OPCML: variants seen among roughly 807,000 people sequenced by gnomAD.
OPCML encodes the protein opioid binding protein/cell adhesion molecule like.
OPCML carries 13 observed loss-of-function variants against 37.8 expected under a neutral mutation model. That is an observed-to-expected ratio of 0.34 (90% CI 0.22 to 0.55). The LOEUF is 0.55. Ranked by LOEUF, OPCML falls within the 20% of genes least tolerant of loss-of-function variation. OPCML has a pLI of 0.91. For missense variants in OPCML, 341 were observed against 435.6 expected, an observed-to-expected ratio of 0.78 and a Z score of 1.93; for synonymous variants, 176 against 168.8, an observed-to-expected ratio of 1.04 and a Z score of -0.33.
chr11:132,870,587 A>G (rs1395727789), intron 2 of OPCML, among the ~76,000 whole-genome samples: 1 of 152,200 alleles, frequency 6.6e-6, no homozygotes, highest in Non-Finnish European at 1.5e-5. Context: ...ACTGTCGAAG[A>G]GATGTCTGCC....
chr11:133,402,995 T>C (rs1052341940), intron 1 of OPCML, among the ~76,000 whole-genome samples: 2 of 152,206 alleles, frequency 1.3e-5, no homozygotes, highest in African/African-American at 4.8e-5. Flanking sequence ...TTCTTAACCA[T>C]GTTCTTTCTG....
intron 1 of OPCML, among the ~76,000 whole-genome samples, chr11:133,080,219 G>A (rs569848210): frequency 1.3e-5 from 2 of 152,214 alleles, no homozygotes; most frequent in South Asian, 2.1e-4. Flanking sequence ...CGGGACTGTA[G>A]GATGGTAACT....
At chr11:133,316,980 C>T (rs564277484) in intron 1 of OPCML, among the ~76,000 whole-genome samples, 1 of 152,258 alleles carries the variant, frequency 6.6e-6, no homozygotes, top group Admixed American at 6.5e-5. Context: ...GGCAGATCAC[C>T]TAAAGTCAGG....
At chr11:132,821,304 A>C (rs74755271) in intron 2 of OPCML, among the ~76,000 whole-genome samples, 2,149 of 152,254 alleles carry the variant, frequency 0.014, 43 homozygotes, top group Middle Eastern at 0.058. Context: ...CCCTAGGCAC[A>C]AGGCAAGGCA....
intron 2 of OPCML, among the ~76,000 whole-genome samples, chr11:132,672,353 A>G (rs1324007375): frequency 1.3e-5 from 2 of 152,244 alleles, no homozygotes; most frequent in African/African-American, 4.8e-5. Context: ...CGTCTTGTGC[A>G]CTGAAGAATC....
chr11:132,939,616 T>C (rs1282584957), intron 2 of OPCML, among the ~76,000 whole-genome samples: 2 of 152,188 alleles, frequency 1.3e-5, no homozygotes, highest in Admixed American at 1.3e-4. Context: ...ACACAGATGA[T>C]GTGGACCCAC....
At chr11:132,759,785 G>T (rs2136093626) in intron 2 of OPCML, among the ~76,000 whole-genome samples, 2 of 152,128 alleles carry the variant, frequency 1.3e-5, no homozygotes, top group South Asian at 4.1e-4. Flanking sequence ...GGTTTTTCGT[G>T]TCTCTATTTT....
At chr11:132,479,389 C>T (rs187095224) in intron 4 of OPCML, among the ~76,000 whole-genome samples, 212 of 152,304 alleles carry the variant, frequency 1.4e-3, no homozygotes, top group Middle Eastern at 0.01. Flanking sequence ...CACGGAATCT[C>T]GCTGATTGCT....
At chr11:132,665,339 C>T (rs113922398) in intron 2 of OPCML, among the ~76,000 whole-genome samples, 2,011 of 152,244 alleles carry the variant, frequency 0.013, 32 homozygotes, top group African/African-American at 0.036. Context: ...TGTGTCCTGA[C>T]GCAAACAAGG....
intron 1 of OPCML, among the ~76,000 whole-genome samples, chr11:133,388,719 G>A (rs1020057477): frequency 1.3e-5 from 2 of 152,130 alleles, no homozygotes; most frequent in Admixed American, 1.3e-4. Context: ...CAGAACATGT[G>A]TCATTCTTAC....
intron 3 of OPCML, among the ~76,000 whole-genome samples, chr11:132,619,281 T>A (rs929413610): frequency 3.3e-5 from 5 of 152,200 alleles, no homozygotes; most frequent in African/African-American, 4.8e-5. Context: ...TCTTTCAGAA[T>A]ATGTATTGCA....
intron 1 of OPCML, among the ~76,000 whole-genome samples, chr11:133,059,945 G>C (rs890830844): frequency 6.6e-6 from 1 of 152,144 alleles, no homozygotes; most frequent in African/African-American, 2.4e-5. Context: ...ACTTTAATCA[G>C]CTACTATTAT....
At chr11:133,058,055 C>G (rs1306061045) in intron 1 of OPCML, among the ~76,000 whole-genome samples, 1 of 152,226 alleles carries the variant, frequency 6.6e-6, no homozygotes, top group Non-Finnish European at 1.5e-5. Flanking sequence ...ATTTCCAGCT[C>G]CTGGCCAGTA....
chr11:133,082,874 C>T (rs903300294), intron 1 of OPCML, among the ~76,000 whole-genome samples: 22 of 150,328 alleles, frequency 1.5e-4, no homozygotes, highest in African/African-American at 4.8e-4. Flanking sequence ...CCGAGCCGAC[C>T]TCGTCCCAGG....
At chr11:132,540,663 G>A (rs1193777171) in intron 3 of OPCML, among the ~76,000 whole-genome samples, 2 of 152,192 alleles carry the variant, frequency 1.3e-5, no homozygotes, top group African/African-American at 2.4e-5. Context: ...AAATGATAGG[G>A]AATGAGAACA....
At chr11:133,170,236 T>C (rs1020610039) in intron 1 of OPCML, among the ~76,000 whole-genome samples, 4 of 152,272 alleles carry the variant, frequency 2.6e-5, no homozygotes, top group Non-Finnish European at 4.4e-5. Flanking sequence ...CAGCACTTTG[T>C]GAGGCCGAGG....
At chr11:133,204,868 GTATATA>G (rs57658806) in intron 1 of OPCML, among the ~76,000 whole-genome samples, 6,291 of 117,108 alleles carry the variant, frequency 0.054, 224 homozygotes, top group East Asian at 0.16. Flanking sequence ...ATATATATGT[GTATATA>G]TATATATATA....
chr11:132,804,208 G>T (rs11223216), intron 2 of OPCML, among the ~76,000 whole-genome samples: 31,295 of 152,144 alleles, frequency 0.21, 4,060 homozygotes, highest in Non-Finnish European at 0.3. Context: ...TCAAAGCAAG[G>T]TGAGCCCCAC....
intron 1 of OPCML, among the ~76,000 whole-genome samples, chr11:133,307,953 T>C (rs1198182603): frequency 6.6e-6 from 1 of 152,018 alleles, no homozygotes; most frequent in Non-Finnish European, 1.5e-5. Flanking sequence ...TTTAAGTCAA[T>C]GAACATATAT....
Sources: allele counts gnomAD v4.1 joint callset (sites outside exome capture counted in the v4.1 genomes callset), GRCh38; gene constraint gnomAD v4.1.1; transcripts MANE v1.5; gene names NCBI Gene and HGNC (gene_info 2026-07-23, HGNC 2026-07-21).